Variants in KIAA1586 observed in about 807,000 individuals in gnomAD.
KIAA1586 encodes the protein KIAA1586, also known as E3 SUMO-protein ligase KIAA1586.
A neutral mutation model predicts 6.1 loss-of-function variants in KIAA1586; 5 were observed. That is an observed-to-expected ratio of 0.82 (90% confidence interval 0.43 to 1.73). The LOEUF is 1.73. Among genes scored for constraint, KIAA1586 ranks in the 40% most tolerant of loss-of-function variants. The probability of loss-of-function intolerance (pLI) is 0.02; values close to 1 mark genes in which losing one functional copy is unlikely to be tolerated. For missense variants in KIAA1586, 899 were observed against 878.2 expected (o/e 1.02, Z -0.30); for synonymous variants, 280 against 301.7 (o/e 0.93, Z 0.75).
rs199549607 is a variant in KIAA1586 at position 57,054,140 on chromosome 6, A to G, written c.1641A>G (p.Ser547=). The change falls in exon 4 of 4, where the codon TCA becomes TCG. Residue 547 remains serine, a synonymous_variant. Transcript: ENST00000370733. Reference sequence around the variant, plus strand: ...TTTCAACTGCATTACAGTCAAGATCAACTAATATTAAGAAAGCACAAAAAT... The same window carrying G: ...TTTCAACTGCATTACAGTCAAGATCGACTAATATTAAGAAAGCACAAAAAT... ...SVLSTALQSR[S]TNIKKAQKLI... is the part of the protein sequence containing the mutation. 1.9e-6 allele frequency: 3 copies of G among 1,593,496 alleles called. No homozygotes were observed. The highest frequency in any genetic ancestry group is 2.7e-5 in the African/African-American group (2 of 73,792).
rs1206161767 is a variant in KIAA1586 at position 57,049,334 on chromosome 6, A to G, written c.106-1440A>G. Among the ~76,000 whole-genome samples the G allele has an allele frequency of 4.6e-5, 7 of 152,158 alleles. 1 individual carries two copies. The South Asian group carries it at 1.2e-3, about 27-fold the overall frequency. The stretch of plus-strand genomic sequence containing the variant: ...GTGTTTTTTATAGTACCATCCAGTA[A>G]AGATGCAATGCTGCTGGGTATAGTT... On this transcript the variant is annotated intron_variant, in intron 2 of 3. Coordinates refer to ENST00000370733, the MANE Select transcript of KIAA1586 (RefSeq NM_020931.4).
intron 2 of KIAA1586, among the ~76,000 whole-genome samples, chr6:57,049,979 T>A (rs1828278104): frequency 6.6e-6 from 1 of 152,036 alleles, no homozygotes; most frequent in African/African-American, 2.4e-5. Context: ...TTAAAAAAAA[T>A]TGTACTATGA....
rs1424687936 is a variant in KIAA1586, at chr6:57,052,687, T to A, written c.188T>A (p.Ile63Asn). The A allele has an allele frequency of 6.5e-7, 1 of 1,547,618 alleles. No individual in the cohort carries two copies. The highest frequency in any genetic ancestry group is 8.7e-7 in the Non-Finnish European group (1 of 1,149,158). ...TACATATGTAAAATTATTTTTCAGA[T>A]TCTGTTTCCTAAAATGCCAAAACGA... ...DENPSAYYSD[I>N]LFPKMPKRQG... is the part of the protein sequence containing the mutation. The change falls in exon 4 of 4, where the codon ATT becomes AAT. Residue 63 changes from isoleucine to asparagine, a missense_variant and splice_region_variant. Transcript: ENST00000370733.
chr6:57,062,145 G>T, the KIAA1586 span, among the ~76,000 whole-genome samples: 1 of 151,980 alleles, frequency 6.6e-6, no homozygotes, highest in East Asian at 1.9e-4. Flanking sequence ...TGCCCAGGCT[G>T]GTCTCAAACT....
downstream of KIAA1586, among the ~76,000 whole-genome samples, chr6:57,056,791 G>A (rs949358288): frequency 5.3e-5 from 8 of 151,986 alleles, no homozygotes; most frequent in African/African-American, 1.9e-4. Context: ...TCCTGCCTTG[G>A]CCTCCCAAAG....
intron 3 of KIAA1586, 37 bp downstream of exon 3, chr6:57,050,891 A>G (rs1228264077): frequency 7.1e-7 from 1 of 1,401,394 alleles, no homozygotes; most frequent in Non-Finnish European, 1.0e-6. Context: ...CAGTTTTCTT[A>G]TTAAGTGCAA....
chr6:57,048,623 C>A (rs189917835), intron 2 of KIAA1586, among the ~76,000 whole-genome samples: 3 of 152,064 alleles, frequency 2.0e-5, no homozygotes, highest in African/African-American at 7.2e-5. Flanking sequence ...GTTTTTGTAA[C>A]GAGAAACATT....
rs775079645 is a variant in KIAA1586, at chr6:57,053,793, T to A, written c.1294T>A (p.Ser432Thr). The A allele has an allele frequency of 5.2e-6, 8 of 1,548,954 alleles. No homozygotes were observed. The highest frequency in any genetic ancestry group is 6.1e-6 in the Non-Finnish European group (7 of 1,143,964). The part of the protein sequence containing the change: ...RLQLSLDDSI[S>T]EIKQINHLKI... ...ACAATTGTCACTTGATGATTCTATA[T>A]CCGAAATAAAACAAATTAATCATTT... Residue 432 changes from serine to threonine, a missense_variant, in exon 4 of 4, where the codon TCC (serine) becomes ACC (threonine). Physicochemically the swap from Ser to Thr is moderately conservative, Grantham distance 58. Coordinates refer to ENST00000370733, the MANE Select transcript of KIAA1586 (RefSeq NM_020931.4).
At chr6:57,058,892 A>G (rs144267414), downstream of KIAA1586, among the ~76,000 whole-genome samples, 48 of 152,340 alleles carry the variant, frequency 3.2e-4, no homozygotes, top group African/African-American at 1.1e-3. Flanking sequence ...GAGCTTACAT[A>G]AGATTTATTG....
At chr6:57,048,803 G>C (rs925207035) in intron 2 of KIAA1586, among the ~76,000 whole-genome samples, 31 of 152,152 alleles carry the variant, frequency 2.0e-4, no homozygotes, top group African/African-American at 7.5e-4. Context: ...AAAGTATGTA[G>C]AAGTGACATA....
chr6:57,063,274 A>T, the KIAA1586 span, among the ~76,000 whole-genome samples: 53 of 151,998 alleles, frequency 3.5e-4, no homozygotes, highest in African/African-American at 1.2e-3. Flanking sequence ...AAAATGATAG[A>T]ATCGTGGATA....
chr6:57,056,232 C>CA (rs965528015), downstream of KIAA1586, among the ~76,000 whole-genome samples: 6 of 148,982 alleles, frequency 4.0e-5, no homozygotes, highest in Admixed American at 1.3e-4. Context: ...TTTTTTGAGA[C>CA]AGAGTCTTGT....
rs775828651 is a variant in KIAA1586 at position 57,046,770 on chromosome 6, G to A, written c.15G>A (p.Gly5=). The change falls in exon 1 of 4, where the codon GGG becomes GGA. Residue 5 remains glycine, a synonymous_variant. Coordinates refer to ENST00000370733, the MANE Select transcript of KIAA1586 (RefSeq NM_020931.4). MGDP[G]SEIIESVPPA... is the part of the protein sequence containing the mutation. Reference sequence around the variant, plus strand: ...CCGTCGGAGACATGGGAGACCCGGGGTCGGAAGTGAGTAGTCGAGTGAGGG... The same window carrying A: ...CCGTCGGAGACATGGGAGACCCGGGATCGGAAGTGAGTAGTCGAGTGAGGG... 2 of 1,612,368 alleles carry A rather than the reference G, an allele frequency of 1.2e-6. No individual in the cohort carries two copies. The highest frequency in any genetic ancestry group is 1.7e-6 in the Non-Finnish European group (2 of 1,179,456).
chr6:57,058,198 TA>T (rs974109771), downstream of KIAA1586, among the ~76,000 whole-genome samples: 20 of 152,126 alleles, frequency 1.3e-4, no homozygotes, highest in African/African-American at 4.8e-4. Context: ...TAAGTTAGGT[TA>T]AAAAAAATTA....
chr6:57,049,601 T>G (rs1442331654), intron 2 of KIAA1586, among the ~76,000 whole-genome samples: 2 of 152,126 alleles, frequency 1.3e-5, no homozygotes, highest in Admixed American at 6.5e-5. Flanking sequence ...TAATGTAAAT[T>G]TTATTGAAAT....
At chr6:57,059,588 G>GGA (rs1554293823), downstream of KIAA1586, among the ~76,000 whole-genome samples, 35 of 141,686 alleles carry the variant, frequency 2.5e-4, no homozygotes, top group Non-Finnish European at 4.5e-4. Flanking sequence ...GACTCTGTCT[G>GGA]AAAAAAAAAA....
intron 2 of KIAA1586, among the ~76,000 whole-genome samples, chr6:57,049,339 G>A (rs1320566424): frequency 6.6e-6 from 1 of 152,114 alleles, no homozygotes; most frequent in Admixed American, 6.6e-5. Context: ...CAGTAAAGAT[G>A]CAATGCTGCT....
In KIAA1586 at chr6:57,054,323, C is replaced by T; in HGVS notation, c.1824C>T (p.Asp608=). 1 of 1,586,386 alleles carries T rather than the reference C, an allele frequency of 6.3e-7. No homozygotes were observed. Among genetic ancestry groups the T allele is most frequent in the Non-Finnish European group, 8.6e-7 (1 of 1,169,576 alleles). The part of the protein sequence containing the change: ...FNALPRSILL[D]NIIQHMNLRL... ...CTCTTCCTAGGAGTATATTACTAGA[C>T]AATATAATTCAGCACATGAACCTAC... The change falls in exon 4 of 4, where the codon GAC becomes GAT. Residue 608 remains aspartate, a synonymous_variant. Transcript: ENST00000370733.
the KIAA1586 span, among the ~76,000 whole-genome samples, chr6:57,066,857 G>C: frequency 2.6e-5 from 4 of 152,132 alleles, no homozygotes; most frequent in Non-Finnish European, 5.9e-5. Context: ...AGACTGGTTA[G>C]CTGCCTTTGC....
Sources: allele counts gnomAD v4.1 joint callset (sites outside exome capture counted in the v4.1 genomes callset), GRCh38; gene constraint gnomAD v4.1.1; transcripts MANE v1.5; gene names NCBI Gene and HGNC (gene_info 2026-07-23, HGNC 2026-07-21).